MDGA2: variants seen among roughly 807,000 people sequenced by gnomAD.
The protein encoded by MDGA2 is MAM domain-containing glycosylphosphatidylinositol anchor protein 2.
In MDGA2, 40 loss-of-function variants were observed where a neutral mutation model predicts 117.8. That is an observed-to-expected ratio of 0.34 (90% CI 0.26 to 0.44). The LOEUF (loss-of-function observed/expected upper bound fraction) is 0.44, where lower values mean the gene tolerates loss of function less well. Among genes scored for constraint, MDGA2 ranks in the 20% least tolerant of loss-of-function variants. The probability of loss-of-function intolerance (pLI) is 1.00; values close to 1 mark genes in which losing one functional copy is unlikely to be tolerated. For synonymous variants in MDGA2, 452 were observed against 439.0 expected (o/e 1.03, Z -0.37); for missense variants, 1,123 against 1,250.6 (o/e 0.90, Z 1.54).
At chr14:47,237,630 CT>C (rs2139594411) in intron 2 of MDGA2, among the ~76,000 whole-genome samples, 1 of 152,240 alleles carries the variant, frequency 6.6e-6, no homozygotes, top group South Asian at 2.1e-4. Flanking sequence ...TCGAAGTGTA[CT>C]GTCAAAAAGT....
chr14:47,306,362 C>T (rs1015425654), intron 1 of MDGA2, among the ~76,000 whole-genome samples: 9 of 152,150 alleles, frequency 5.9e-5, no homozygotes, highest in Non-Finnish European at 1.2e-4. Flanking sequence ...AGATGAGGGG[C>T]CCTAAGCCCA....
intron 5 of MDGA2, among the ~76,000 whole-genome samples, chr14:47,130,686 C>T (rs1882159157): frequency 6.6e-6 from 1 of 152,032 alleles, no homozygotes; most frequent in Non-Finnish European, 1.5e-5. Context: ...TATACGTATC[C>T]ACTCATTAAT....
At chr14:47,599,427 A>T (rs1454915219) in intron 1 of MDGA2, among the ~76,000 whole-genome samples, 1 of 152,130 alleles carries the variant, frequency 6.6e-6, no homozygotes, top group Non-Finnish European at 1.5e-5. Flanking sequence ...ACTTACACAC[A>T]GCTATTTACT....
At chr14:47,200,219 C>A (rs183874437) in intron 3 of MDGA2, among the ~76,000 whole-genome samples, 5 of 151,798 alleles carry the variant, frequency 3.3e-5, no homozygotes, top group African/African-American at 1.2e-4. Context: ...AGTGGAGAAG[C>A]CTTAGCACAA....
At chr14:47,110,134 C>A (rs928624640) in intron 5 of MDGA2, among the ~76,000 whole-genome samples, 2 of 150,064 alleles carry the variant, frequency 1.3e-5, no homozygotes, top group Non-Finnish European at 3.0e-5. Context: ...GATGGCAAAG[C>A]ATTTATCTAT....
intron 1 of MDGA2, among the ~76,000 whole-genome samples, chr14:47,338,025 T>A (rs4898564): frequency 0.18 from 27,801 of 151,966 alleles, 2,872 homozygotes; most frequent in East Asian, 0.43. Context: ...TGAGAGTTTT[T>A]AAATAATTGT....
In MDGA2 at chr14:46,841,107, G is replaced by A. The variant is rs552173298; in HGVS notation, c.*824C>T. ...GAAAATTATTCAGGCTTGTTTCATT[G>A]AAGGCACTTGGTTTCCATGGCAATT... On this transcript the variant is annotated 3_prime_UTR_variant, in exon 17 of 17. Transcript: ENST00000399232. 9 of 152,640 alleles carry A rather than the reference G, an allele frequency of 5.9e-5. No individual in the cohort carries two copies. Among genetic ancestry groups the A allele is most frequent in the African/African-American group, 1.7e-4 (7 of 41,546 alleles). 9.5% of individuals were successfully genotyped at this position (152,640 alleles called of 1,614,324 possible). A position where few individuals can be genotyped will look rare whatever the true frequency, so the allele number is the denominator to read the frequency against.
At chr14:47,146,391 G>T (rs1342745467) in intron 3 of MDGA2, among the ~76,000 whole-genome samples, 2 of 152,006 alleles carry the variant, frequency 1.3e-5, no homozygotes, top group Non-Finnish European at 2.9e-5. Flanking sequence ...AAGCTTAAAG[G>T]AACTTTCCAT....
intron 1 of MDGA2, among the ~76,000 whole-genome samples, chr14:47,671,930 C>G (rs1421449035): frequency 6.6e-6 from 1 of 152,130 alleles, no homozygotes. Flanking sequence ...CTTACAAAAT[C>G]AAAGCAATGA....
Position 46,894,353 on chromosome 14 carries a change from T to C in MDGA2, c.2239-12132A>G, listed in dbSNP as rs181600228. Among the ~76,000 whole-genome samples the C allele has an allele frequency of 1.2e-3, 188 of 152,230 alleles. 2 individuals are homozygous for C. Among genetic ancestry groups the C allele is most frequent in the African/African-American group, 4.3e-3 (180 of 41,566 alleles). On this transcript the variant is annotated intron_variant, in intron 10 of 16. Transcript: ENST00000399232. ...CTCCATTTCTTCTTCTTATATCAAA[T>C]GTGTTGCTTTCAGTTTTTCCTGACA...
At chr14:47,249,540 G>T (rs936543870) in intron 2 of MDGA2, among the ~76,000 whole-genome samples, 1 of 151,994 alleles carries the variant, frequency 6.6e-6, no homozygotes, top group African/African-American at 2.4e-5. Context: ...TGCCTAGGCT[G>T]GTCTTGAACT....
At chr14:47,511,428 T>C (rs937072527) in intron 1 of MDGA2, among the ~76,000 whole-genome samples, 1 of 152,192 alleles carries the variant, frequency 6.6e-6, no homozygotes, top group African/African-American at 2.4e-5. Flanking sequence ...ATTTACATAC[T>C]GAATCTATTA....
intron 1 of MDGA2, among the ~76,000 whole-genome samples, chr14:47,483,084 T>G (rs183798769): frequency 1.3e-5 from 2 of 152,070 alleles, no homozygotes; most frequent in Non-Finnish European, 2.9e-5. Context: ...ATAAGTAATC[T>G]TTTTTAAAAA....
intron 1 of MDGA2, among the ~76,000 whole-genome samples, chr14:47,637,450 T>C (rs8012871): frequency 6.6e-6 from 1 of 152,128 alleles, no homozygotes; most frequent in Non-Finnish European, 1.5e-5. Flanking sequence ...AATAGCTAAG[T>C]TCCTCCTGAG....
chr14:47,162,925 G>A (rs141024532), intron 3 of MDGA2, among the ~76,000 whole-genome samples: 41 of 152,270 alleles, frequency 2.7e-4, no homozygotes, highest in Middle Eastern at 3.4e-3. Context: ...ACATGCACTC[G>A]AATGAATGTA....
At chr14:47,157,845 C>T (rs1176273753) in intron 3 of MDGA2, among the ~76,000 whole-genome samples, 2 of 152,100 alleles carry the variant, frequency 1.3e-5, no homozygotes, top group South Asian at 4.1e-4. Flanking sequence ...ATTCTTCTCC[C>T]TCCTGCTGCC....
intron 6 of MDGA2, among the ~76,000 whole-genome samples, chr14:47,065,284 C>T (rs1003288564): frequency 2.2e-4 from 34 of 152,224 alleles, no homozygotes; most frequent in African/African-American, 7.9e-4. Flanking sequence ...ATTCTAATTG[C>T]ACTTACTGAA....
chr14:47,242,127 A>G (rs1464570980), intron 2 of MDGA2, among the ~76,000 whole-genome samples: 1 of 151,966 alleles, frequency 6.6e-6, no homozygotes, highest in Non-Finnish European at 1.5e-5. Context: ...TATTTCATTT[A>G]GAATAATTGT....
intron 1 of MDGA2, among the ~76,000 whole-genome samples, chr14:47,662,158 C>T (rs577954346): frequency 2.0e-5 from 3 of 152,168 alleles, no homozygotes; most frequent in African/African-American, 7.2e-5. Context: ...GTTGCCAACA[C>T]TGAATTAGAG....
Sources: allele counts gnomAD v4.1 joint callset (sites outside exome capture counted in the v4.1 genomes callset), GRCh38; gene constraint gnomAD v4.1.1; transcripts MANE v1.5; gene names NCBI Gene and HGNC (gene_info 2026-07-23, HGNC 2026-07-21).